The following AFTPH variants were observed in gnomAD, a reference collection of about 807,000 sequenced individuals.
The protein encoded by AFTPH is aftiphilin protein.
Under a neutral mutation model 72.5 loss-of-function variants are expected in AFTPH, and 7 were observed. The observed-to-expected ratio is 0.10, with a 90% CI of 0.05 to 0.18. The LOEUF is 0.18. Ranked by LOEUF, AFTPH falls within the 10% of genes least tolerant of loss-of-function variation. The pLI, the probability that AFTPH is intolerant of heterozygous loss-of-function variation, is 1.00. For missense variants in AFTPH, 979 were observed against 1,060.5 expected (o/e 0.92, Z 1.07); for synonymous variants, 337 against 370.1 (o/e 0.91, Z 1.03).
chr2:64,552,491 C>T lies in AFTPH; in HGVS notation c.1017C>T (p.Asp339=), dbSNP rs202154321. 2.9e-5 allele frequency: 46 copies of T among 1,614,018 alleles called. No homozygotes were observed. In the Admixed American group the frequency reaches 6.5e-4, roughly 23 times the overall value. The change falls in exon 2 of 9, where the codon GAC becomes GAT. Residue 339 remains aspartate (D), a synonymous_variant. Transcript: ENST00000238856. The stretch of plus-strand genomic sequence containing the variant: ...AGTCAAAGGCTTGGAGTTTGGTAGA[C>T]TCAGCTGATAATTCAGAAGCCATTA...
chr2:64,562,338 C>CTTTT (rs776199844), intron 2 of AFTPH, among the ~76,000 whole-genome samples: 173 of 126,428 alleles, frequency 1.4e-3, no homozygotes, highest in African/African-American at 4.5e-3. Context: ...AGGCGAAGTG[C>CTTTT]TTTTTTTTTT....
chr2:64,581,921 G>T (rs894702991), intron 7 of AFTPH, among the ~76,000 whole-genome samples: 1 of 152,172 alleles, frequency 6.6e-6, no homozygotes, highest in Non-Finnish European at 1.5e-5. Context: ...GATACTAAAA[G>T]CTAGAGATTA....
chr2:64,585,280 C>T, intron 7 of AFTPH, 142 bp from the exon 9 acceptor site: 5 of 937,876 alleles, frequency 5.3e-6, no homozygotes, highest in South Asian at 3.2e-5. Context: ...AAAATAAATG[C>T]AGTATTGCAG....
intron 2 of AFTPH, 75 bp downstream of exon 2, chr2:64,553,484 A>C: frequency 6.9e-7 from 1 of 1,454,096 alleles, no homozygotes; most frequent in African/African-American, 1.4e-5. Context: ...TTTTCAAAAA[A>C]TATTTTTTCA....
At chr2:64,534,385 A>G (rs1178951317) in intron 1 of AFTPH, among the ~76,000 whole-genome samples, 1 of 152,174 alleles carries the variant, frequency 6.6e-6, no homozygotes, top group Admixed American at 6.5e-5. Context: ...AAAAAAAATT[A>G]CTAAGAGTTT....
intron 8 of AFTPH, among the ~76,000 whole-genome samples, chr2:64,589,596 C>CT (rs67053935): frequency 6.6e-6 from 1 of 151,632 alleles, no homozygotes; most frequent in East Asian, 1.9e-4. Flanking sequence ...ACTGTGTAAA[C>CT]TTTTTATTTT....
chr2:64,530,682 A>T (rs1181044950), intron 1 of AFTPH, among the ~76,000 whole-genome samples: 1 of 152,210 alleles, frequency 6.6e-6, no homozygotes, highest in African/African-American at 2.4e-5. Flanking sequence ...AGCATGTCAT[A>T]CATATACATA....
chr2:64,569,712 C>T (rs756973667), intron 5 of AFTPH, 33 bp downstream of exon 5: 147 of 1,573,670 alleles, frequency 9.3e-5, no homozygotes, highest in Non-Finnish European at 1.0e-5. Context: ...ATGTATTTAT[C>T]ATTACTGCAT....
At chr2:64,584,059 A>G (rs539502902) in intron 7 of AFTPH, among the ~76,000 whole-genome samples, 14 of 152,200 alleles carry the variant, frequency 9.2e-5, no homozygotes, top group Admixed American at 4.6e-4. Context: ...AAGAAATAAT[A>G]AGTAAAAATT....
chr2:64,586,970 G>A (rs1673555891), intron 8 of AFTPH, among the ~76,000 whole-genome samples: 1 of 152,196 alleles, frequency 6.6e-6, no homozygotes, highest in Admixed American at 6.5e-5. Flanking sequence ...TTCTGGGACA[G>A]TTCTACTCTT....
chr2:64,545,570 TAAAAAAAAAAAAAAAAAAAAAAA>T (rs58124855), intron 1 of AFTPH, among the ~76,000 whole-genome samples: 60 of 24,196 alleles, frequency 2.5e-3, no homozygotes, highest in South Asian at 9.6e-3. Context: ...CCACCAGCAG[TAAAAAAAAAAAAAAAAAAAAAAA>T]AAAAAAAAAA....
exon 2 of AFTPH, chr2:64,552,601 C>A (rs1671117288): frequency 3.1e-6 from 5 of 1,614,128 alleles, no homozygotes; most frequent in East Asian, 2.2e-5. Context: ...GTTAAAACTT[C>A]TGATGATGAA....
intron 2 of AFTPH, among the ~76,000 whole-genome samples, chr2:64,566,994 G>C (rs1277108121): frequency 6.6e-6 from 1 of 152,098 alleles, no homozygotes; most frequent in South Asian, 2.1e-4. Context: ...GACATTCTTT[G>C]CTACTTTGGT....
chr2:64,581,292 C>G lies in AFTPH; in HGVS notation c.2455+1746C>G. ...ATCCCAGGTCAGCAGAGTGTTAAAACCACAATTCCAGTTTATTTACTAAAA... is the reference window on the plus strand; with the variant it reads ...ATCCCAGGTCAGCAGAGTGTTAAAAGCACAATTCCAGTTTATTTACTAAAA... On this transcript the variant is annotated intron_variant, in intron 7 of 8. Coordinates refer to ENST00000238856, the Ensembl canonical transcript of AFTPH. 6.4e-7 allele frequency: 1 copy of G among 1,561,788 alleles called. No individual in the cohort carries two copies. Among genetic ancestry groups the G allele is most frequent in the Admixed American group, 1.9e-5 (1 of 51,692 alleles).
At chr2:64,525,969 G>A (rs1222930390) in intron 1 of AFTPH, among the ~76,000 whole-genome samples, 4 of 152,128 alleles carry the variant, frequency 2.6e-5, no homozygotes, top group African/African-American at 7.2e-5. Flanking sequence ...TTCCTCCGTG[G>A]ATTAAATTAG....
intron 7 of AFTPH, chr2:64,580,668 T>C (rs1221010644): frequency 6.5e-6 from 1 of 152,722 alleles, no homozygotes; most frequent in Non-Finnish European, 1.5e-5. Context: ...CAGGGTAGGG[T>C]AGTTATGACA....
chr2:64,546,573 T>C (rs2103897526), intron 1 of AFTPH, among the ~76,000 whole-genome samples: 1 of 152,284 alleles, frequency 6.6e-6, no homozygotes, highest in Admixed American at 6.5e-5. Flanking sequence ...TTGAATGCTT[T>C]TTTTTTTCCA....
chr2:64,564,705 A>T (rs1671950494), intron 2 of AFTPH, among the ~76,000 whole-genome samples: 1 of 152,166 alleles, frequency 6.6e-6, no homozygotes, highest in Admixed American at 6.5e-5. Context: ...GTGTTATTAT[A>T]CCAGTCATTT....
intron 2 of AFTPH, among the ~76,000 whole-genome samples, chr2:64,564,635 T>A (rs67376668): frequency 0.14 from 8,085 of 56,776 alleles, 482 homozygotes; most frequent in African/African-American, 0.45. Flanking sequence ...AAATAAAAAA[T>A]AAAATAAATA....
Sources: allele counts gnomAD v4.1 joint callset (sites outside exome capture counted in the v4.1 genomes callset), GRCh38; gene constraint gnomAD v4.1.1; transcripts MANE v1.5; gene names NCBI Gene and HGNC (gene_info 2026-07-23, HGNC 2026-07-21).